Variants in GRM7 observed in about 807,000 individuals in gnomAD.
GRM7 encodes glutamate metabotropic receptor 7.
A neutral mutation model predicts 84.5 loss-of-function variants in GRM7; 35 were observed. That is an observed-to-expected ratio of 0.41 (90% CI 0.32 to 0.55). The LOEUF is 0.55. Among genes scored for constraint, GRM7 ranks in the 20% least tolerant of loss-of-function variants. GRM7 has a pLI of 0.19. For synonymous variants in GRM7, 487 were observed against 455.1 expected (o/e 1.07, Z -0.89); for missense variants, 1,003 against 1,194.6 (o/e 0.84, Z 2.36).
intron 6 of GRM7, among the ~76,000 whole-genome samples, chr3:7,455,567 T>A (rs1697974241): frequency 6.6e-6 from 1 of 152,008 alleles, no homozygotes; most frequent in African/African-American, 2.4e-5. Context: ...AAGCCTACCT[T>A]AAATCTAATT....
chr3:7,496,820 C>T (rs1361558688), intron 7 of GRM7, among the ~76,000 whole-genome samples: 1 of 151,564 alleles, frequency 6.6e-6, no homozygotes, highest in Non-Finnish European at 1.5e-5. Context: ...TGTGATTATA[C>T]CCACACACAC....
chr3:7,452,336 T>C (rs1268505621), intron 5 of GRM7, among the ~76,000 whole-genome samples: 1 of 152,180 alleles, frequency 6.6e-6, no homozygotes, highest in Non-Finnish European at 1.5e-5. Context: ...AAGATCCTTT[T>C]ATTCTAAGGG....
chr3:7,300,566 A>T (rs947164972), intron 3 of GRM7, among the ~76,000 whole-genome samples: 4 of 151,902 alleles, frequency 2.6e-5, no homozygotes, highest in African/African-American at 9.7e-5. Flanking sequence ...TCACCTTTCT[A>T]GTCTTATTCT....
At chr3:6,962,713 AACTG>A (rs1206966668) in intron 1 of GRM7, among the ~76,000 whole-genome samples, 1 of 152,200 alleles carries the variant, frequency 6.6e-6, no homozygotes, top group Non-Finnish European at 1.5e-5. Context: ...TCAAACCCAG[AACTG>A]ACTAAAAGTC....
chr3:7,380,653 C>G (rs1227086273), intron 4 of GRM7, among the ~76,000 whole-genome samples: 2 of 152,134 alleles, frequency 1.3e-5, no homozygotes, highest in Non-Finnish European at 2.9e-5. Flanking sequence ...TCCAGGCCCT[C>G]CTAGCCTACC....
chr3:7,498,191 T>A (rs573713572), intron 7 of GRM7, among the ~76,000 whole-genome samples: 1 of 152,194 alleles, frequency 6.6e-6, no homozygotes, highest in Non-Finnish European at 1.5e-5. Flanking sequence ...CCTTTTTTTT[T>A]ATTATCGAAG....
At chr3:7,180,795 A>C (rs538643025) in intron 2 of GRM7, among the ~76,000 whole-genome samples, 26 of 152,238 alleles carry the variant, frequency 1.7e-4, no homozygotes, top group Middle Eastern at 3.4e-3. Context: ...CTGACCAGTA[A>C]TTTGCTGCTA....
At chr3:7,042,544 C>G (rs1225195666) in intron 1 of GRM7, among the ~76,000 whole-genome samples, 1 of 151,986 alleles carries the variant, frequency 6.6e-6, no homozygotes, top group African/African-American at 2.4e-5. Context: ...TCTGTGTTTT[C>G]TTGGGTCATT....
At chr3:7,555,609 CA>C (rs1208128882) in intron 7 of GRM7, among the ~76,000 whole-genome samples, 1 of 152,202 alleles carries the variant, frequency 6.6e-6, no homozygotes, top group Non-Finnish European at 1.5e-5. Flanking sequence ...AACATTGTTA[CA>C]ACTGCCTGAA....
In GRM7 at chr3:7,563,218, T is replaced by A. The variant is rs182907160; in HGVS notation, c.1516-15204T>A. On this transcript the variant is annotated intron_variant, in intron 7 of 9. Transcript: ENST00000357716. ...GATTTAAGGATTTCTATTGTTCTTTTTTGTACAGTTTGTTATATTTAAAGC... is the reference window on the plus strand; with the variant it reads ...GATTTAAGGATTTCTATTGTTCTTTATTGTACAGTTTGTTATATTTAAAGC... 3.1e-3 allele frequency among the ~76,000 whole-genome samples: 470 copies of A among 152,238 alleles called. 1 individual carries two copies. Among genetic ancestry groups the A allele is most frequent in the Non-Finnish European group, 5.4e-3 (366 of 68,002 alleles).
chr3:7,591,952 T>C (rs1695801696), intron 8 of GRM7, among the ~76,000 whole-genome samples: 1 of 152,220 alleles, frequency 6.6e-6, no homozygotes, highest in African/African-American at 2.4e-5. Context: ...TCAATTCTTT[T>C]ACCCTGGACA....
chr3:7,571,757 C>T (rs571744515), intron 7 of GRM7, among the ~76,000 whole-genome samples: 1 of 152,214 alleles, frequency 6.6e-6, no homozygotes, highest in South Asian at 2.1e-4. Context: ...TACCAGTTTA[C>T]TGTATTAGTT....
chr3:7,617,617 C>T (rs1421085095), intron 8 of GRM7, among the ~76,000 whole-genome samples: 1 of 151,892 alleles, frequency 6.6e-6, no homozygotes, highest in Non-Finnish European at 1.5e-5. Flanking sequence ...AGAATTCCTG[C>T]AAGGAAAGGA....
chr3:7,095,942 A>G (rs1209785506), intron 1 of GRM7, among the ~76,000 whole-genome samples: 1 of 152,206 alleles, frequency 6.6e-6, no homozygotes, highest in African/African-American at 2.4e-5. Flanking sequence ...TATATGTCAT[A>G]TATATTTTAG....
rs181902886 is a variant in GRM7 at position 7,257,100 on chromosome 3, C to T, written c.737-41584C>T. ...CAGTACACTCACTAAAATAGGTCAA[C>T]CCTTAGTTAATCCTCAGATTCTCCC... On this transcript the variant is annotated intron_variant, in intron 2 of 9. Coordinates refer to ENST00000357716, the MANE Select transcript of GRM7 (RefSeq NM_000844.4). Among the ~76,000 whole-genome samples the T allele has an allele frequency of 1.2e-3, 190 of 152,008 alleles. 1 individual carries two copies. Among genetic ancestry groups the T allele is most frequent in the African/African-American group, 4.3e-3 (178 of 41,480 alleles).
intron 1 of GRM7, among the ~76,000 whole-genome samples, chr3:7,132,236 G>A (rs751409788): frequency 1.1e-4 from 17 of 152,102 alleles, no homozygotes; most frequent in Non-Finnish European, 2.4e-4. Context: ...TACACATTCT[G>A]GGGGGAAGGG....
At chr3:6,952,786 A>C (rs1692843413) in intron 1 of GRM7, among the ~76,000 whole-genome samples, 1 of 152,226 alleles carries the variant, frequency 6.6e-6, no homozygotes, top group Non-Finnish European at 1.5e-5. Flanking sequence ...ATTTAGCTAG[A>C]ATAGGGAATA....
chr3:7,492,677 A>G (rs1245855933), intron 7 of GRM7, among the ~76,000 whole-genome samples: 3 of 151,424 alleles, frequency 2.0e-5, no homozygotes, highest in Non-Finnish European at 4.4e-5. Flanking sequence ...TTTCCTATAG[A>G]TCTTTATTTT....
intron 2 of GRM7, among the ~76,000 whole-genome samples, chr3:7,164,924 G>T (rs1694750433): frequency 6.6e-6 from 1 of 152,154 alleles, no homozygotes; most frequent in Non-Finnish European, 1.5e-5. Context: ...ATATGAAGAA[G>T]CTGAGAACAG....
Sources: allele counts gnomAD v4.1 joint callset (sites outside exome capture counted in the v4.1 genomes callset), GRCh38; gene constraint gnomAD v4.1.1; transcripts MANE v1.5; gene names NCBI Gene and HGNC (gene_info 2026-07-23, HGNC 2026-07-21).